ASCC3: variants seen among roughly 807,000 people sequenced by gnomAD.
ASCC3 encodes the protein ASC-1 complex subunit P200.
In ASCC3, 158 loss-of-function variants were observed where a neutral mutation model predicts 256.3. The observed-to-expected ratio is 0.62, with a 90% CI of 0.54 to 0.70. ASCC3 has a LOEUF of 0.70. ASCC3 is among the 30% of genes least tolerant of loss of function. The pLI is 0.00. For synonymous variants in ASCC3, 948 were observed against 883.4 expected, an observed-to-expected ratio of 1.07 and a Z score of -1.30; for missense variants, 2,259 against 2,626.0, an observed-to-expected ratio of 0.86 and a Z score of 3.05.
At chr6:100,847,254 T>C (rs1227360205) in intron 4 of ASCC3, among the ~76,000 whole-genome samples, 3 of 152,144 alleles carry the variant, frequency 2.0e-5, no homozygotes, top group Admixed American at 2.0e-4. Context: ...GAGCAAATAT[T>C]AGTAAAATTT....
At chr6:100,693,730 G>C (rs1777946424) in intron 13 of ASCC3, among the ~76,000 whole-genome samples, 1 of 152,214 alleles carries the variant, frequency 6.6e-6, no homozygotes, top group Middle Eastern at 3.4e-3. Context: ...TCTACTAAGT[G>C]TCACCACAGA....
intron 4 of ASCC3, among the ~76,000 whole-genome samples, chr6:100,841,253 G>T (rs557543823): frequency 7.2e-4 from 110 of 152,192 alleles, no homozygotes; most frequent in African/African-American, 2.6e-3. Flanking sequence ...AATGAGTTCA[G>T]GTATGCAGAC....
At chr6:100,656,963 G>A (rs975248241) in intron 16 of ASCC3, among the ~76,000 whole-genome samples, 2 of 150,576 alleles carry the variant, frequency 1.3e-5, no homozygotes, top group African/African-American at 4.9e-5. Flanking sequence ...AAACCCTCTC[G>A]ATTTAGTCCT....
intron 37 of ASCC3, among the ~76,000 whole-genome samples, chr6:100,521,711 C>G (rs1774319473): frequency 6.6e-6 from 1 of 152,178 alleles, no homozygotes; most frequent in African/African-American, 2.4e-5. Flanking sequence ...GGATGTGGGC[C>G]TGGTTTTCAG....
intron 37 of ASCC3, among the ~76,000 whole-genome samples, chr6:100,519,588 A>G (rs997986486): frequency 6.6e-6 from 1 of 152,176 alleles, no homozygotes; most frequent in Non-Finnish European, 1.5e-5. Context: ...CAAAGGGAAG[A>G]GAAAAGGAAA....
intron 30 of ASCC3, among the ~76,000 whole-genome samples, chr6:100,616,978 C>A (rs1387013866): frequency 6.6e-6 from 1 of 151,874 alleles, no homozygotes; most frequent in Non-Finnish European, 1.5e-5. Context: ...GTATTCTGAA[C>A]TTTTTGTTGT....
At chr6:100,706,051 A>G (rs1778566235) in intron 13 of ASCC3, among the ~76,000 whole-genome samples, 1 of 151,834 alleles carries the variant, frequency 6.6e-6, no homozygotes, top group East Asian at 1.9e-4. Context: ...TACATACATA[A>G]TTTACCATAC....
chr6:100,515,574 C>T (rs1012822360), intron 39 of ASCC3, among the ~76,000 whole-genome samples: 5 of 152,174 alleles, frequency 3.3e-5, no homozygotes, highest in African/African-American at 1.2e-4. Flanking sequence ...CTAAAGATTG[C>T]TTGGAGACAT....
intron 30 of ASCC3, among the ~76,000 whole-genome samples, chr6:100,609,354 T>C (rs1773273322): frequency 6.6e-6 from 1 of 151,516 alleles, no homozygotes; most frequent in Non-Finnish European, 1.5e-5. Context: ...AAATACTTCC[T>C]TATCTTACTT....
intron 30 of ASCC3, among the ~76,000 whole-genome samples, chr6:100,617,561 T>C (rs9403891): frequency 0.13 from 19,771 of 152,114 alleles, 2,570 homozygotes; most frequent in East Asian, 0.36. Flanking sequence ...TTCACCTCCT[T>C]GCCCCCCTCA....
intron 24 of ASCC3, among the ~76,000 whole-genome samples, chr6:100,642,130 T>C (rs1775153708): frequency 6.6e-6 from 1 of 151,792 alleles, no homozygotes; most frequent in Non-Finnish European, 1.5e-5. Context: ...AACCTGCACA[T>C]TGTGCACATG....
In ASCC3 at chr6:100,867,955, T is replaced by C. The variant is rs770055838; in HGVS notation, c.43A>G (p.Asn15Asp). 2 of 1,613,832 alleles carry C rather than the reference T, an allele frequency of 1.2e-6. No individual in the cohort carries two copies. The highest frequency in any genetic ancestry group is 3.3e-5 in the Admixed American group (2 of 60,014). Residue 15 changes from asparagine to aspartate, a missense_variant, in exon 2 of 42, where the codon AAT becomes GAT. By Grantham distance (23) the Asn-to-Asp change is conservative (BLOSUM62 1). Transcript: ENST00000369162. ...RLTGALRSFS[N>D]VTKQDNYNEE... ...TTATAATTATCTTGCTTGGTGACAT[T>C]TGAAAAGGAACGCAAGGCTCCTGTG...
chr6:100,629,180 C>T lies in ASCC3; in HGVS notation c.4210G>A (p.Val1404Ile), dbSNP rs772846322. ...VRIEEKLGKK[V>I]IELTGDVTPD... ...GTCACATCCCCTGTTAGTTCAATAA[C>T]TCTGGAGGGAAATATAACAATGATC... The change falls in exon 27 of 42, where the codon GTT becomes ATT. Residue 1404 changes from valine to isoleucine, a missense_variant and splice_region_variant. This residue lies in a region of ASCC3 where 1,839 missense variants were observed against 2,206.7 expected (regional missense o/e 0.83). Transcript: ENST00000369162. The T allele has an allele frequency of 8.1e-6, 13 of 1,612,760 alleles. No individual in the cohort carries two copies. In the Admixed American group the frequency reaches 2.2e-4, roughly 27 times the overall value.
chr6:100,754,487 C>T (rs1262568541), intron 10 of ASCC3, among the ~76,000 whole-genome samples: 1 of 152,148 alleles, frequency 6.6e-6, no homozygotes, highest in African/African-American at 2.4e-5. Context: ...TATACTTTTA[C>T]TTATTTTAAA....
chr6:100,553,761 G>C (rs1032020656), intron 36 of ASCC3, among the ~76,000 whole-genome samples: 2 of 151,986 alleles, frequency 1.3e-5, no homozygotes, highest in African/African-American at 4.8e-5. Context: ...GCTGTTCTCT[G>C]AATACTTTTC....
chr6:100,607,593 T>A (rs1772964375), intron 30 of ASCC3, among the ~76,000 whole-genome samples: 1 of 152,124 alleles, frequency 6.6e-6, no homozygotes, highest in African/African-American at 2.4e-5. Context: ...ACTAAGCCTG[T>A]TTCTTTAACT....
intron 36 of ASCC3, among the ~76,000 whole-genome samples, chr6:100,562,955 C>A (rs1380697115): frequency 6.6e-6 from 1 of 151,732 alleles, no homozygotes; most frequent in Non-Finnish European, 1.5e-5. Flanking sequence ...AAAAGGTTGC[C>A]ATTTTTTTTT....
chr6:100,879,138 G>C (rs78023528), intron 1 of ASCC3, among the ~76,000 whole-genome samples: 1,717 of 152,298 alleles, frequency 0.011, 36 homozygotes, highest in African/African-American at 0.04. Context: ...AAAGGATACA[G>C]ATGAACAGAT....
intron 8 of ASCC3, among the ~76,000 whole-genome samples, chr6:100,793,235 T>C (rs914433283): frequency 3.9e-5 from 6 of 152,046 alleles, no homozygotes; most frequent in Admixed American, 1.3e-4. Context: ...GACTTTTACT[T>C]TGGCTTTACT....
Sources: allele counts gnomAD v4.1 joint callset (sites outside exome capture counted in the v4.1 genomes callset), GRCh38; gene constraint gnomAD v4.1.1; regional missense constraint gnomAD v4.1.1; transcripts MANE v1.5; gene names NCBI Gene and HGNC (gene_info 2026-07-23, HGNC 2026-07-21).